PTPRA: variants seen among roughly 807,000 people sequenced by gnomAD.
PTPRA encodes receptor-type tyrosine-protein phosphatase alpha.
In PTPRA, 25 loss-of-function variants were observed where a neutral mutation model predicts 104.8. That is an observed-to-expected ratio of 0.24 (90% CI 0.17 to 0.33). PTPRA has a LOEUF of 0.33. Among genes scored for constraint, PTPRA ranks in the 10% least tolerant of loss-of-function variants. PTPRA has a pLI of 1.00. For missense variants in PTPRA, 765 were observed against 1,015.3 expected (o/e 0.75, Z 3.35); for synonymous variants, 323 against 368.9 (o/e 0.88, Z 1.43).
At chr20:2,984,051 G>T (rs1429661475) in intron 6 of PTPRA, among the ~76,000 whole-genome samples, 1 of 151,820 alleles carries the variant, frequency 6.6e-6, no homozygotes. Context: ...GGAGTGTTTC[G>T]TTGTGGAAAG....
chr20:2,951,368 G>A (rs192431338), intron 3 of PTPRA, among the ~76,000 whole-genome samples: 14 of 152,318 alleles, frequency 9.2e-5, no homozygotes, highest in Non-Finnish European at 1.2e-4. Context: ...CCAAAGCGCT[G>A]GGATTACAGG....
intron 5 of PTPRA, among the ~76,000 whole-genome samples, chr20:2,970,352 A>G (rs984269217): frequency 2.0e-5 from 3 of 152,170 alleles, no homozygotes; most frequent in Admixed American, 6.5e-5. Flanking sequence ...CAAAGTGCCT[A>G]TTTTTCTAAA....
chr20:2,869,067 G>GC (rs2089397556), upstream of PTPRA, among the ~76,000 whole-genome samples: 1 of 152,040 alleles, frequency 6.6e-6, no homozygotes, highest in Non-Finnish European at 1.5e-5. Context: ...TCACTGATTT[G>GC]CCCCCCACCT....
chr20:3,008,436 A>ATTTT (rs2063976078), intron 11 of PTPRA, among the ~76,000 whole-genome samples: 1 of 152,216 alleles, frequency 6.6e-6, no homozygotes, highest in Non-Finnish European at 1.5e-5. Context: ...GAGTAGTCAA[A>ATTTT]TTCACAGGGA....
At chr20:3,034,266 C>T (rs1279103722) in intron 20 of PTPRA, among the ~76,000 whole-genome samples, 1 of 151,390 alleles carries the variant, frequency 6.6e-6, no homozygotes, top group Non-Finnish European at 1.5e-5. Context: ...GCAAGACTCT[C>T]TCAAAAAAGA....
chr20:3,008,787 C>T (rs2148327542), intron 11 of PTPRA, among the ~76,000 whole-genome samples: 1 of 150,174 alleles, frequency 6.7e-6, no homozygotes, highest in East Asian at 1.9e-4. Context: ...GTGGCAGGCG[C>T]CTGTAATCCC....
At chr20:2,956,321 A>C (rs1214649247) in intron 3 of PTPRA, among the ~76,000 whole-genome samples, 1 of 152,080 alleles carries the variant, frequency 6.6e-6, no homozygotes, top group Non-Finnish European at 1.5e-5. Context: ...TAAAACTTTC[A>C]CTGTAATGTA....
chr20:2,937,425 C>T (rs1485135917), intron 2 of PTPRA, among the ~76,000 whole-genome samples: 1 of 152,050 alleles, frequency 6.6e-6, no homozygotes, highest in South Asian at 2.1e-4. Flanking sequence ...GCCTGGCACA[C>T]CTTCCTTCTT....
intron 1 of PTPRA, 39 bp from the exon 2 acceptor site, chr20:2,923,168 T>A: frequency 2.2e-6 from 2 of 892,364 alleles, no homozygotes; most frequent in Non-Finnish European, 3.1e-6. Flanking sequence ...TGCTCAGGGA[T>A]GTTGTATATT....
At chr20:3,019,456 T>C (rs1221375479) in intron 13 of PTPRA, among the ~76,000 whole-genome samples, 6 of 141,640 alleles carry the variant, frequency 4.2e-5, no homozygotes, top group Non-Finnish European at 7.6e-5. Flanking sequence ...CAGGCAGAGA[T>C]GCTCCTCACA....
At chr20:2,888,327 A>G (rs983637409) in intron 1 of PTPRA, among the ~76,000 whole-genome samples, 1 of 152,164 alleles carries the variant, frequency 6.6e-6, no homozygotes, top group Admixed American at 6.5e-5. Flanking sequence ...TCGGAGGCCA[A>G]CATGGGAGGA....
chr20:2,973,452 A>T (rs2062278005), intron 5 of PTPRA, among the ~76,000 whole-genome samples: 1 of 152,182 alleles, frequency 6.6e-6, no homozygotes, highest in Non-Finnish European at 1.5e-5. Context: ...TCTGACAAAG[A>T]TACCAAAATT....
Position 3,031,745 on chromosome 20 carries a change from C to T in PTPRA, c.1921-3840C>T, listed in dbSNP as rs900759355. On this transcript the variant is annotated intron_variant, in intron 20 of 23. Coordinates refer to ENST00000399903, the MANE Select transcript of PTPRA (RefSeq NM_001385305.1). ...TCCACTTTCTCAACATCAGTCACAC[C>T]GAACATGTCCTCACCTTCCTCCTTA... 3.4e-5 allele frequency among the ~76,000 whole-genome samples: 5 copies of T among 145,636 alleles called. No homozygotes were observed. The East Asian group carries it at 6.4e-4, about 19-fold the overall frequency.
chr20:2,895,060 A>G (rs1406026657), intron 1 of PTPRA, among the ~76,000 whole-genome samples: 1 of 151,530 alleles, frequency 6.6e-6, no homozygotes, highest in Non-Finnish European at 1.5e-5. Flanking sequence ...CTAAATAACT[A>G]TACTATTACT....
At chr20:2,961,375 A>G (rs1210368384) in intron 3 of PTPRA, among the ~76,000 whole-genome samples, 1 of 152,186 alleles carries the variant, frequency 6.6e-6, no homozygotes, top group African/African-American at 2.4e-5. Flanking sequence ...ATTTGCAATT[A>G]CCTAATGACT....
rs963732512 is a variant in PTPRA at position 2,935,523 on chromosome 20, G to A, written c.-50+12238G>A. Among the ~76,000 whole-genome samples, 3 of 152,046 alleles carry A rather than the reference G, an allele frequency of 2.0e-5. No individual in the cohort carries two copies. The South Asian group carries it at 6.2e-4, about 32-fold the overall frequency. On this transcript the variant is annotated intron_variant, in intron 2 of 23. Coordinates refer to ENST00000399903, the MANE Select transcript of PTPRA (RefSeq NM_001385305.1). ...ATATCCTTTAGATATATATCCAATA[G>A]GGGGAATTACTGAATCATATAGTAG...
chr20:2,975,105 C>T lies in PTPRA; in HGVS notation c.416-110C>T, dbSNP rs2062374752. On this transcript the variant is annotated intron_variant, in intron 5 of 23. Coordinates refer to ENST00000399903, the MANE Select transcript of PTPRA (RefSeq NM_001385305.1). ...GTTTCCCAGTTGTTGGAGGATGCCT[C>T]ATGGAGGAAAGCATTCCTAATCCTG... is the stretch of plus-strand genomic sequence containing the variant. 11 of 971,918 alleles carry T rather than the reference C, an allele frequency of 1.1e-5. No homozygotes were observed. The South Asian group carries it at 1.4e-4, about 13-fold the overall frequency. The allele number at this position is 971,918 out of a possible 1,614,324, so 60.2% of individuals were successfully genotyped here.
At chr20:2,937,819 T>C (rs1160688635) in intron 2 of PTPRA, among the ~76,000 whole-genome samples, 1 of 152,220 alleles carries the variant, frequency 6.6e-6, no homozygotes, top group Non-Finnish European at 1.5e-5. Context: ...TGAAGGATAT[T>C]TTCACTGTCT....
Position 2,929,686 on chromosome 20 carries a change from G to A in PTPRA, c.-50+6401G>A, listed in dbSNP as rs118149090. ...CAAAAAATGCACAAATTACCCAGGC[G>A]TGGTAGTACATGCCCGTGGTCCCAG... is the stretch of plus-strand genomic sequence containing the variant. On this transcript the variant is annotated intron_variant, in intron 2 of 23. Coordinates refer to ENST00000399903, the MANE Select transcript of PTPRA (RefSeq NM_001385305.1). 2.6e-3 allele frequency among the ~76,000 whole-genome samples: 397 copies of A among 152,180 alleles called. 2 individuals are homozygous for A. The South Asian group carries it at 0.028, about 11-fold the overall frequency.
Sources: allele counts gnomAD v4.1 joint callset (sites outside exome capture counted in the v4.1 genomes callset), GRCh38; gene constraint gnomAD v4.1.1; transcripts MANE v1.5; gene names NCBI Gene and HGNC (gene_info 2026-07-23, HGNC 2026-07-21).